LDLRAD3: variants seen among roughly 807,000 people sequenced by gnomAD.
The protein encoded by LDLRAD3 is low density lipoprotein receptor class A domain containing 3.
A neutral mutation model predicts 29.4 loss-of-function variants in LDLRAD3; 20 were observed. The ratio of observed to expected loss-of-function variants is 0.68; its 90% CI spans 0.48 to 0.99. LDLRAD3 has a LOEUF of 0.99. Ranked by LOEUF, LDLRAD3 falls within the 50% of genes least tolerant of loss-of-function variation. The probability of loss-of-function intolerance (pLI) is 0.00; values close to 1 mark genes in which losing one functional copy is unlikely to be tolerated. For missense variants in LDLRAD3, 420 were observed against 454.3 expected (o/e 0.92, Z 0.69); for synonymous variants, 157 against 192.7 (o/e 0.81, Z 1.53).
At chr11:36,193,388 A>G (rs1177184296) in intron 4 of LDLRAD3, among the ~76,000 whole-genome samples, 8 of 152,120 alleles carry the variant, frequency 5.3e-5, no homozygotes, top group South Asian at 2.1e-4. Flanking sequence ...TTTCTGCTGT[A>G]GCTCATCCTG....
chr11:36,103,524 C>T (rs1853482504), intron 4 of LDLRAD3, among the ~76,000 whole-genome samples: 1 of 152,196 alleles, frequency 6.6e-6, no homozygotes, highest in South Asian at 2.1e-4. Context: ...CAGGCGTGAG[C>T]CACCGTGCCT....
intron 4 of LDLRAD3, among the ~76,000 whole-genome samples, chr11:36,124,663 T>C (rs1169510656): frequency 2.0e-5 from 3 of 151,320 alleles, no homozygotes; most frequent in African/African-American, 7.3e-5. Flanking sequence ...CTCCACCTTG[T>C]CCGGCACGCT....
At chr11:36,190,490 A>G (rs1253790034) in intron 4 of LDLRAD3, among the ~76,000 whole-genome samples, 2 of 152,192 alleles carry the variant, frequency 1.3e-5, no homozygotes, top group African/African-American at 4.8e-5. Flanking sequence ...ACAGAGTGAG[A>G]CCTTGTCTCT....
intron 4 of LDLRAD3, among the ~76,000 whole-genome samples, chr11:36,178,069 A>G (rs1854704854): frequency 6.6e-6 from 1 of 152,120 alleles, no homozygotes; most frequent in East Asian, 1.9e-4. Context: ...TTTTGGAGCT[A>G]AAGTTCACGA....
chr11:36,147,415 G>A (rs1398603142), intron 4 of LDLRAD3, among the ~76,000 whole-genome samples: 1 of 152,008 alleles, frequency 6.6e-6, no homozygotes, highest in Non-Finnish European at 1.5e-5. Flanking sequence ...ACCACACCCG[G>A]CCCCTCTATT....
rs551103462 is a variant in LDLRAD3, at chr11:36,051,902, C to T, written c.193+15653C>T. ...CAGTGCCCAACCAGTACTTTCTAAA[C>T]TGTGCTTGATGGGTCACATTACTCA... is the stretch of plus-strand genomic sequence containing the variant. On this transcript the variant is annotated intron_variant, in intron 2 of 5. Coordinates refer to ENST00000315571, the MANE Select transcript of LDLRAD3 (RefSeq NM_174902.4). Among the ~76,000 whole-genome samples, 26 of 152,330 alleles carry T rather than the reference C, an allele frequency of 1.7e-4. No individual in the cohort carries two copies. The East Asian group carries it at 4.8e-3, about 28-fold the overall frequency.
At chr11:36,079,093 G>C (rs962060692) in intron 2 of LDLRAD3, among the ~76,000 whole-genome samples, 5 of 152,202 alleles carry the variant, frequency 3.3e-5, no homozygotes, top group Non-Finnish European at 5.9e-5. Flanking sequence ...TGCCGCCACT[G>C]CTGCTCCTGC....
In LDLRAD3 at chr11:36,137,507, C is replaced by T. The variant is rs560662080; in HGVS notation, c.454+39046C>T. On this transcript the variant is annotated intron_variant, in intron 4 of 5. Coordinates refer to ENST00000315571, the MANE Select transcript of LDLRAD3 (RefSeq NM_174902.4). ...AGGTGAAGCATTCAAGTCTAGCAGT[C>T]CTAATGGAAACAGTGTAATAGCAAC... is the stretch of plus-strand genomic sequence containing the variant. Among the ~76,000 whole-genome samples the T allele has an allele frequency of 3.9e-5, 6 of 152,322 alleles. No homozygotes were observed. The South Asian group carries it at 1.0e-3, about 26-fold the overall frequency.
chr11:36,134,250 T>C (rs974660737), intron 4 of LDLRAD3, among the ~76,000 whole-genome samples: 1 of 152,180 alleles, frequency 6.6e-6, no homozygotes, highest in Non-Finnish European at 1.5e-5. Context: ...CATTGTACAC[T>C]CCTAATGATT....
At chr11:36,208,257 T>A (rs1855237482) in intron 4 of LDLRAD3, among the ~76,000 whole-genome samples, 1 of 152,198 alleles carries the variant, frequency 6.6e-6, no homozygotes, top group South Asian at 2.1e-4. Flanking sequence ...TAATAATGCC[T>A]TTGTTTTGTG....
At chr11:36,008,548 A>G (rs7949045) in intron 1 of LDLRAD3, among the ~76,000 whole-genome samples, 6,746 of 152,284 alleles carry the variant, frequency 0.044, 189 homozygotes, top group Admixed American at 0.078. Flanking sequence ...ATACACAGGC[A>G]ATTCTTTGGG....
At chr11:35,948,241 T>C (rs1851085334) in intron 1 of LDLRAD3, among the ~76,000 whole-genome samples, 1 of 152,192 alleles carries the variant, frequency 6.6e-6, no homozygotes, top group Admixed American at 6.5e-5. Flanking sequence ...CTTGGAGTGA[T>C]GGAACTGTTT....
At chr11:36,090,313 A>G (rs369378563) in intron 3 of LDLRAD3, among the ~76,000 whole-genome samples, 1 of 152,192 alleles carries the variant, frequency 6.6e-6, no homozygotes. Flanking sequence ...GAACTGGGAA[A>G]TGGTGGCCCT....
chr11:36,149,580 T>C (rs1397235216), intron 4 of LDLRAD3, among the ~76,000 whole-genome samples: 1 of 152,200 alleles, frequency 6.6e-6, no homozygotes, highest in African/African-American at 2.4e-5. Flanking sequence ...TTGAATCTGT[T>C]CGCTGCTCCT....
In LDLRAD3 at chr11:36,227,206, G is replaced by T. The variant is rs1855511414; in HGVS notation, c.576G>T (p.Leu192=). The part of the protein sequence containing the change: ...IFVLVVALLA[L]VLHHQRKRNN... Reference sequence around the variant, plus strand: ...TGCTGGTGGTGGCCCTGCTGGCACTGGTCTTGCACCACCAGCGGAAGCGGA... The same window carrying T: ...TGCTGGTGGTGGCCCTGCTGGCACTTGTCTTGCACCACCAGCGGAAGCGGA... The change falls in exon 5 of 6, where the codon CTG becomes CTT. Residue 192 remains leucine (L), a synonymous_variant. Transcript: ENST00000315571. 1.9e-6 allele frequency: 3 copies of T among 1,614,096 alleles called. No individual in the cohort carries two copies. Among genetic ancestry groups the T allele is most frequent in the Non-Finnish European group, 2.5e-6 (3 of 1,180,048 alleles).
At chr11:36,228,751 G>A (rs1190295777) in intron 5 of LDLRAD3, among the ~76,000 whole-genome samples, 2 of 152,254 alleles carry the variant, frequency 1.3e-5, no homozygotes, top group East Asian at 3.8e-4. Flanking sequence ...GCCAGGAAGA[G>A]TTGGCTTTCA....
At chr11:36,222,236 T>C (rs538545264) in intron 4 of LDLRAD3, among the ~76,000 whole-genome samples, 1 of 152,184 alleles carries the variant, frequency 6.6e-6, no homozygotes, top group South Asian at 2.1e-4. Flanking sequence ...GCCCAGCTAA[T>C]TTACTAAATT....
At position 36,229,424 on chromosome 11, in the gene LDLRAD3, G is replaced by C. The variant is rs1167713047; in HGVS notation, c.*27G>C. Reference sequence around the variant, plus strand: ...TCCCAGTTATTCCAAAGTCCATATGGGTTAATCTGCTCTGACTTGTTGCCA... The same window carrying C: ...TCCCAGTTATTCCAAAGTCCATATGCGTTAATCTGCTCTGACTTGTTGCCA... On this transcript the variant is annotated 3_prime_UTR_variant, in exon 6 of 6. Coordinates refer to ENST00000315571, the MANE Select transcript of LDLRAD3 (RefSeq NM_174902.4). The C allele has an allele frequency of 6.7e-7, 1 of 1,488,862 alleles. No homozygotes were observed. The highest frequency in any genetic ancestry group is 9.3e-7 in the Non-Finnish European group (1 of 1,070,936). The allele number at this position is 1,488,862 out of a possible 1,614,324, so 92.2% of individuals were successfully genotyped here.
At chr11:35,983,023 T>C (rs1851562573) in intron 1 of LDLRAD3, among the ~76,000 whole-genome samples, 4 of 151,992 alleles carry the variant, frequency 2.6e-5, no homozygotes, top group Non-Finnish European at 5.9e-5. Flanking sequence ...CTGGCTAATT[T>C]TTGTATTTTC....
Sources: allele counts gnomAD v4.1 joint callset (sites outside exome capture counted in the v4.1 genomes callset), GRCh38; gene constraint gnomAD v4.1.1; transcripts MANE v1.5; gene names NCBI Gene and HGNC (gene_info 2026-07-23, HGNC 2026-07-21).